NEGR1: variants seen among roughly 807,000 people sequenced by gnomAD.
NEGR1 encodes neuronal growth regulator 1.
NEGR1 carries 10 observed loss-of-function variants against 40.9 expected under a neutral mutation model. The ratio of observed to expected loss-of-function variants is 0.24; its 90% CI spans 0.15 to 0.42. The LOEUF is 0.42. Among genes scored for constraint, NEGR1 ranks in the 10% least tolerant of loss-of-function variants. NEGR1 has a pLI of 1.00. For synonymous variants in NEGR1, 185 were observed against 166.8 expected, an observed-to-expected ratio of 1.11 and a Z score of -0.84; for missense variants, 352 against 438.9, an observed-to-expected ratio of 0.80 and a Z score of 1.77.
chr1:71,707,000 A>G (rs1432018363), intron 3 of NEGR1, among the ~76,000 whole-genome samples: 3 of 152,154 alleles, frequency 2.0e-5, no homozygotes. Flanking sequence ...TTGTTAGAGC[A>G]GGAAGGAAAA....
intron 4 of NEGR1, among the ~76,000 whole-genome samples, chr1:71,622,418 C>T (rs1650638496): frequency 6.6e-6 from 1 of 151,738 alleles, no homozygotes; most frequent in African/African-American, 2.4e-5. Flanking sequence ...TGCATTTTTT[C>T]TAATATTGAA....
chr1:72,223,337 C>T (rs901528585), intron 1 of NEGR1, among the ~76,000 whole-genome samples: 4 of 152,102 alleles, frequency 2.6e-5, no homozygotes, highest in Non-Finnish European at 5.9e-5. Flanking sequence ...CAAACTGAGC[C>T]CCCAAAATTG....
chr1:71,568,482 A>G (rs1291298408), intron 6 of NEGR1, among the ~76,000 whole-genome samples: 1 of 152,154 alleles, frequency 6.6e-6, no homozygotes, highest in African/African-American at 2.4e-5. Flanking sequence ...CCAGATGAGG[A>G]GACTCAGAAA....
chr1:72,242,032 AATAATT>A (rs76005475), intron 1 of NEGR1, among the ~76,000 whole-genome samples: 7,484 of 151,734 alleles, frequency 0.049, 396 homozygotes, highest in East Asian at 0.22. Flanking sequence ...GGATGGAAAC[AATAATT>A]ATGTGTTTTT....
intron 2 of NEGR1, among the ~76,000 whole-genome samples, chr1:71,799,902 C>A (rs562014568): frequency 1.3e-5 from 2 of 151,960 alleles, no homozygotes; most frequent in African/African-American, 2.4e-5. Flanking sequence ...TTAGTAGAGA[C>A]GGGGTTTCAC....
chr1:71,778,192 G>A (rs963837964), intron 2 of NEGR1, among the ~76,000 whole-genome samples: 1 of 151,972 alleles, frequency 6.6e-6, no homozygotes, highest in Admixed American at 6.6e-5. Context: ...TATATAGAGA[G>A]AGAGACAGAT....
Position 71,560,441 on chromosome 1 carries a change from ATATATATG to A in NEGR1, c.940+32368_940+32375del, listed in dbSNP as rs1355644014. ...GTGTAATTCTCCATTATATATATAT[ATATATATG>A]TATATATATATTTCCAATTAACCAT... On this transcript the variant is annotated intron_variant, in intron 6 of 6. Coordinates refer to ENST00000357731, the MANE Select transcript of NEGR1 (RefSeq NM_173808.3). Among the ~76,000 whole-genome samples the A allele has an allele frequency of 1.2e-3, 167 of 136,404 alleles. 4 individuals are homozygous for A. The highest frequency in any genetic ancestry group is 3.9e-3 in the African/African-American group (149 of 37,882). The allele number at this position is 136,404 out of a possible 152,430, so 89.5% of individuals were successfully genotyped here.
intron 1 of NEGR1, among the ~76,000 whole-genome samples, chr1:71,987,064 G>A (rs1361875248): frequency 2.0e-5 from 3 of 152,058 alleles, no homozygotes; most frequent in African/African-American, 7.2e-5. Context: ...GATTTCCAGG[G>A]AGAAACTTTT....
chr1:72,041,222 T>C (rs776051264), intron 1 of NEGR1, among the ~76,000 whole-genome samples: 18 of 152,020 alleles, frequency 1.2e-4, no homozygotes, highest in Non-Finnish European at 2.4e-4. Context: ...AGTCCTATTG[T>C]CCTAATCATT....
intron 3 of NEGR1, among the ~76,000 whole-genome samples, chr1:71,732,559 G>C (rs747206194): frequency 6.6e-6 from 1 of 151,800 alleles, no homozygotes; most frequent in Non-Finnish European, 1.5e-5. Context: ...AGAGGCATTC[G>C]TGTTGACATT....
intron 1 of NEGR1, among the ~76,000 whole-genome samples, chr1:72,114,224 C>T (rs549143822): frequency 4.0e-5 from 6 of 151,552 alleles, no homozygotes; most frequent in African/African-American, 1.4e-4. Context: ...AAGCATATTA[C>T]CCTCCATAAT....
At chr1:71,991,539 G>A (rs1355863122) in intron 1 of NEGR1, among the ~76,000 whole-genome samples, 2 of 152,122 alleles carry the variant, frequency 1.3e-5, no homozygotes, top group Non-Finnish European at 2.9e-5. Flanking sequence ...GGTCCACAGA[G>A]GTCCTAAAAC....
At chr1:72,052,374 C>T (rs1647070005) in intron 1 of NEGR1, among the ~76,000 whole-genome samples, 1 of 151,336 alleles carries the variant, frequency 6.6e-6, no homozygotes, top group African/African-American at 2.4e-5. Context: ...GCAGTCCTGG[C>T]CAAATCTGAC....
At chr1:71,908,437 G>C (rs1420295041) in intron 2 of NEGR1, among the ~76,000 whole-genome samples, 2 of 152,088 alleles carry the variant, frequency 1.3e-5, no homozygotes, top group African/African-American at 4.8e-5. Context: ...ACAAACAGAA[G>C]AGTAGGAAAG....
At chr1:72,150,636 T>G (rs762600493) in intron 1 of NEGR1, among the ~76,000 whole-genome samples, 1 of 152,072 alleles carries the variant, frequency 6.6e-6, no homozygotes. Flanking sequence ...GGATCTAGAG[T>G]ATAACTGATT....
intron 6 of NEGR1, among the ~76,000 whole-genome samples, chr1:71,462,906 C>A (rs1235299181): frequency 2.0e-5 from 3 of 152,024 alleles, no homozygotes; most frequent in Non-Finnish European, 4.4e-5. Flanking sequence ...CGTAACTGTA[C>A]AAGAAAATCA....
At chr1:71,474,537 C>T (rs987427721) in intron 6 of NEGR1, among the ~76,000 whole-genome samples, 12 of 150,418 alleles carry the variant, frequency 8.0e-5, no homozygotes, top group African/African-American at 2.9e-4. Flanking sequence ...CACACACACA[C>T]ACACACACAC....
chr1:71,950,071 A>G (rs1234015817), intron 1 of NEGR1, among the ~76,000 whole-genome samples: 1 of 152,082 alleles, frequency 6.6e-6, no homozygotes, highest in African/African-American at 2.4e-5. Context: ...ATTTGACTCA[A>G]ACAACATAAT....
chr1:71,486,467 C>G (rs1448496197), intron 6 of NEGR1: 1 of 151,104 alleles, frequency 6.6e-6, no homozygotes, highest in African/African-American at 2.4e-5. Flanking sequence ...TATGAAAGGA[C>G]CAGGAGGGAC....
Sources: gnomAD v4.1 joint callset for allele counts (sites outside exome capture counted in the v4.1 genomes callset) on GRCh38, gnomAD v4.1.1 for gene constraint, MANE v1.5 for transcripts, NCBI Gene and HGNC (gene_info 2026-07-23, HGNC 2026-07-21) for gene names.